The following COMMD10 variants were observed in gnomAD, a reference collection of about 807,000 sequenced individuals.
The protein encoded by COMMD10 is COMM domain-containing protein 10.
COMMD10 carries 33 observed loss-of-function variants against 28.9 expected under a neutral mutation model. The ratio of observed to expected loss-of-function variants is 1.14; its 90% CI spans 0.87 to 1.53. The LOEUF (loss-of-function observed/expected upper bound fraction) is 1.53. Ranked by LOEUF, COMMD10 falls within the 40% of genes most tolerant of loss-of-function variation. The probability of loss-of-function intolerance (pLI) is 0.00; values close to 1 mark genes in which losing one functional copy is unlikely to be tolerated. For missense variants in COMMD10, 310 were observed against 233.4 expected (o/e 1.33, Z -2.14); for synonymous variants, 110 against 81.7 (o/e 1.35, Z -1.87).
intron 4 of COMMD10, among the ~76,000 whole-genome samples, chr5:116,129,713 A>ATATACTATATACTATGTGATATACATTAG (rs1751799850): frequency 1.4e-5 from 1 of 69,126 alleles, no homozygotes; most frequent in African/African-American, 5.9e-5. Flanking sequence ...ACATTAGTGT[A>ATATACTATATACTATGTGATATACATTAG]TATATATACT....
chr5:116,200,224 T>C (rs1748630522), intron 5 of COMMD10, among the ~76,000 whole-genome samples: 1 of 152,100 alleles, frequency 6.6e-6, no homozygotes, highest in African/African-American at 2.4e-5. Flanking sequence ...TTTTCTACTA[T>C]ATATACTTTT....
intron 5 of COMMD10, among the ~76,000 whole-genome samples, chr5:116,219,004 A>G (rs1198840679): frequency 2.0e-5 from 3 of 152,186 alleles, no homozygotes; most frequent in East Asian, 3.8e-4. Context: ...GGATAGGGCT[A>G]TTATCCAGTA....
At chr5:116,254,577 G>A (rs1750225660) in intron 5 of COMMD10, among the ~76,000 whole-genome samples, 1 of 151,564 alleles carries the variant, frequency 6.6e-6, no homozygotes. Flanking sequence ...TTCAGGAGCA[G>A]GTGGTTCAGT....
intron 5 of COMMD10, among the ~76,000 whole-genome samples, chr5:116,233,049 C>T (rs1022710801): frequency 6.6e-6 from 1 of 152,078 alleles, no homozygotes; most frequent in East Asian, 1.9e-4. Flanking sequence ...ATTCATTCAA[C>T]AAATATTTAT....
chr5:116,104,946 C>CT (rs1750790483), intron 4 of COMMD10, among the ~76,000 whole-genome samples: 1 of 152,134 alleles, frequency 6.6e-6, no homozygotes, highest in African/African-American at 2.4e-5. Flanking sequence ...AATATCCTTT[C>CT]TTTCTTTCTC....
chr5:116,150,936 A>G (rs1057286773), intron 5 of COMMD10, among the ~76,000 whole-genome samples: 2 of 151,788 alleles, frequency 1.3e-5, no homozygotes, highest in Admixed American at 6.6e-5. Flanking sequence ...GTCTTGTGCT[A>G]GTGTTCAAAG....
intron 5 of COMMD10, among the ~76,000 whole-genome samples, chr5:116,204,170 A>T (rs1458485050): frequency 2.6e-5 from 4 of 152,214 alleles, no homozygotes; most frequent in Non-Finnish European, 5.9e-5. Flanking sequence ...TAAAGGGATC[A>T]ATTCAACAAG....
chr5:116,201,601 C>T (rs919792071), intron 5 of COMMD10, among the ~76,000 whole-genome samples: 1 of 152,076 alleles, frequency 6.6e-6, no homozygotes, highest in African/African-American at 2.4e-5. Context: ...CGAGAAGAAT[C>T]GTTGATTTTT....
intron 5 of COMMD10, among the ~76,000 whole-genome samples, chr5:116,136,429 C>A (rs763498149): frequency 6.6e-6 from 1 of 152,124 alleles, no homozygotes; most frequent in Non-Finnish European, 1.5e-5. Flanking sequence ...GTTAAGTCTG[C>A]GTAGCTAAAA....
rs188177135 is a variant in COMMD10, at chr5:116,139,479, G to T, written c.510+5301G>T. ...AAAATATGTATGCTATTCAAATCAT[G>T]AATTCTTGTTATAGAAATTTAAATC... On this transcript the variant is annotated intron_variant, in intron 5 of 6. Transcript: ENST00000274458. Among the ~76,000 whole-genome samples, 287 of 151,746 alleles carry T rather than the reference G, an allele frequency of 1.9e-3. 3 individuals are homozygous for T. The highest frequency in any genetic ancestry group is 6.5e-3 in the African/African-American group (271 of 41,508).
At chr5:116,215,335 G>T (rs1471804293) in intron 5 of COMMD10, among the ~76,000 whole-genome samples, 1 of 151,978 alleles carries the variant, frequency 6.6e-6, no homozygotes, top group East Asian at 1.9e-4. Flanking sequence ...ATTATAGCTA[G>T]TATTGATGCA....
chr5:116,233,629 A>G (rs1362348292), intron 5 of COMMD10, among the ~76,000 whole-genome samples: 1 of 152,186 alleles, frequency 6.6e-6, no homozygotes, highest in Admixed American at 6.5e-5. Flanking sequence ...CACTTGAGTA[A>G]AGATTTGAAA....
chr5:116,242,824 A>G (rs1749846420), intron 5 of COMMD10, among the ~76,000 whole-genome samples: 1 of 152,194 alleles, frequency 6.6e-6, no homozygotes, highest in Non-Finnish European at 1.5e-5. Flanking sequence ...AAGGGGTAAA[A>G]GTGGTATTAA....
chr5:116,258,936 TACTAG>T (rs1275202231), intron 5 of COMMD10, among the ~76,000 whole-genome samples: 1 of 151,742 alleles, frequency 6.6e-6, no homozygotes, highest in Non-Finnish European at 1.5e-5. Context: ...TTTCAGTAGC[TACTAG>T]AACTTCTAGA....
intron 5 of COMMD10, among the ~76,000 whole-genome samples, chr5:116,276,390 T>C (rs1750914103): frequency 6.6e-6 from 1 of 151,512 alleles, no homozygotes; most frequent in African/African-American, 2.4e-5. Flanking sequence ...GTAGTTGGGA[T>C]TACACCTGGC....
At chr5:116,267,577 T>A (rs985941286) in intron 5 of COMMD10, among the ~76,000 whole-genome samples, 3 of 151,844 alleles carry the variant, frequency 2.0e-5, no homozygotes, top group Non-Finnish European at 2.9e-5. Context: ...CTGACTTTCT[T>A]CACAGAATTG....
chr5:116,249,969 A>G (rs1350123868), intron 5 of COMMD10, among the ~76,000 whole-genome samples: 1 of 151,950 alleles, frequency 6.6e-6, no homozygotes, highest in Non-Finnish European at 1.5e-5. Flanking sequence ...CATAAAGTTA[A>G]TATGTTTCCA....
At chr5:116,086,098 GATTCCATT>G (rs1750082150) in intron 1 of COMMD10, among the ~76,000 whole-genome samples, 2 of 152,180 alleles carry the variant, frequency 1.3e-5, no homozygotes, top group African/African-American at 4.8e-5. Context: ...CCCTCTAGAG[GATTCCATT>G]GGTTACTTGG....
intron 5 of COMMD10, among the ~76,000 whole-genome samples, chr5:116,273,028 A>G (rs2112699221): frequency 6.6e-6 from 1 of 151,970 alleles, no homozygotes; most frequent in East Asian, 1.9e-4. Context: ...TCAAGTCTTT[A>G]TAAAACATCA....
Sources: allele counts gnomAD v4.1 joint callset (sites outside exome capture counted in the v4.1 genomes callset), GRCh38; gene constraint gnomAD v4.1.1; transcripts MANE v1.5; gene names NCBI Gene and HGNC (gene_info 2026-07-23, HGNC 2026-07-21).